The following TRPM7 variants were observed in gnomAD, a reference collection of about 807,000 sequenced individuals.
TRPM7 encodes LTRPC ion channel family member 7.
In TRPM7, 134 loss-of-function variants were observed where a neutral mutation model predicts 229.7. The observed-to-expected ratio is 0.58, with a 90% CI of 0.51 to 0.67. The LOEUF is 0.67. Ranked by LOEUF, TRPM7 falls within the 30% of genes least tolerant of loss-of-function variation. TRPM7 has a pLI of 0.00. For synonymous variants in TRPM7, 699 were observed against 715.2 expected, an observed-to-expected ratio of 0.98 and a Z score of 0.36; for missense variants, 1,901 against 2,210.0, an observed-to-expected ratio of 0.86 and a Z score of 2.80.
At chr15:50,666,602 G>A (rs568239246) in intron 1 of TRPM7, among the ~76,000 whole-genome samples, 121 of 152,192 alleles carry the variant, frequency 8.0e-4, no homozygotes, top group Non-Finnish European at 1.4e-3. Context: ...TTGGGAGTTC[G>A]AGACCAGCCT....
At chr15:50,570,259 A>C in intron 36 of TRPM7, 104 bp from the exon 37 acceptor site, 1 of 798,262 alleles carries the variant, frequency 1.3e-6, no homozygotes, top group East Asian at 2.7e-5. Flanking sequence ...TTATAGTATC[A>C]TCAATCATTA....
chr15:50,669,228 G>C (rs146928206), intron 1 of TRPM7, among the ~76,000 whole-genome samples: 103 of 152,226 alleles, frequency 6.8e-4, no homozygotes, highest in Non-Finnish European at 1.0e-3. Context: ...GATCACCTGA[G>C]GTCTGGAGTT....
At chr15:50,629,855 T>G (rs190695433) in intron 10 of TRPM7, among the ~76,000 whole-genome samples, 1 of 139,392 alleles carries the variant, frequency 7.2e-6, no homozygotes, top group Non-Finnish European at 1.5e-5. Context: ...ACTCTCTTTT[T>G]AACCTTTTTT....
intron 30 of TRPM7, among the ~76,000 whole-genome samples, chr15:50,580,223 T>A (rs145597495): frequency 5.3e-4 from 81 of 152,230 alleles, no homozygotes; most frequent in African/African-American, 1.8e-3. Flanking sequence ...CTTTTTTTTT[T>A]ATTTTTTTGC....
chr15:50,655,986 T>A (rs1430044270), intron 3 of TRPM7, among the ~76,000 whole-genome samples: 2 of 141,818 alleles, frequency 1.4e-5, no homozygotes, highest in African/African-American at 5.2e-5. Flanking sequence ...AGGGCAAGAC[T>A]CCATCTCAAA....
At chr15:50,662,246 G>A (rs906400408) in intron 2 of TRPM7, among the ~76,000 whole-genome samples, 9 of 151,690 alleles carry the variant, frequency 5.9e-5, no homozygotes, top group African/African-American at 1.7e-4. Flanking sequence ...CCAGCTACTC[G>A]GGAGGCTGAG....
intron 15 of TRPM7, 45 bp from the exon 16 acceptor site, chr15:50,612,874 T>C (rs1312637622): frequency 2.0e-6 from 3 of 1,516,852 alleles, no homozygotes; most frequent in Non-Finnish European, 2.7e-6. Context: ...AATAAGGCCA[T>C]ATGAAATTTA....
At chr15:50,570,467 G>C (rs1254482436) in intron 36 of TRPM7, among the ~76,000 whole-genome samples, 5 of 152,242 alleles carry the variant, frequency 3.3e-5, no homozygotes, top group Non-Finnish European at 7.4e-5. Context: ...CTTGTAAAAG[G>C]TCTGGTCAAT....
chr15:50,658,098 G>A (rs1009263908), intron 2 of TRPM7, among the ~76,000 whole-genome samples: 6 of 149,264 alleles, frequency 4.0e-5, no homozygotes, highest in African/African-American at 1.2e-4. Context: ...TCCGCCTCCC[G>A]GGTTCACACC....
In TRPM7 at chr15:50,592,310, T is replaced by A; in HGVS notation, c.3925A>T (p.Ser1309Cys). The A allele has an allele frequency of 6.2e-7, 1 of 1,613,872 alleles. No homozygotes were observed. Among genetic ancestry groups the A allele is most frequent in the Non-Finnish European group, 8.5e-7 (1 of 1,179,900 alleles). ...ATATTACAATGAAAAGGATTATTAC[T>A]TTCAAGATCACCTTGAGGAAGAGAG... ...SSSLPQGDLESNNPFHCNILM... is the reference protein window; with the variant it reads ...SSSLPQGDLECNNPFHCNILM... Residue 1309 changes from serine (S) to cysteine (C), a missense_variant, in exon 26 of 39, where the codon AGT (serine) becomes TGT (cysteine). By Grantham distance (112) the Ser-to-Cys change is moderately radical. Around this residue, in one of 8 missense-constraint regions of TRPM7, gnomAD observed 533 missense variants for 497.1 expected, o/e 1.07. Coordinates refer to ENST00000646667, the MANE Select transcript of TRPM7 (RefSeq NM_017672.6).
At position 50,619,608 on chromosome 15, in the gene TRPM7, A is replaced by G. The variant is rs145453065; in HGVS notation, c.1494+137T>C. 9.6e-4 allele frequency: 672 copies of G among 701,496 alleles called. 4 individuals carry two copies. In the African/African-American group the frequency reaches 0.011, roughly 11 times the overall value. 43.5% of individuals were successfully genotyped at this position (701,496 alleles called of 1,614,324 possible). On this transcript the variant is annotated intron_variant, in intron 13 of 38. Transcript: ENST00000646667. ...TCCTCTCTTACCACAAATTCAGCCC[A>G]TATTTTATCTTGTTCTGTAAACTGT...
At chr15:50,654,850 A>G (rs1413722369) in intron 3 of TRPM7, among the ~76,000 whole-genome samples, 3 of 149,388 alleles carry the variant, frequency 2.0e-5, no homozygotes, top group Non-Finnish European at 4.5e-5. Flanking sequence ...AACCACAAAA[A>G]ACTACCCGGG....
chr15:50,576,042 GAAA>G, intron 31 of TRPM7, 123 bp from the exon 32 acceptor site: 1 of 923,038 alleles, frequency 1.1e-6, no homozygotes, highest in African/African-American at 1.7e-5. Context: ...CACAAAAACA[GAAA>G]AATTAGGGAT....
intron 23 of TRPM7, among the ~76,000 whole-genome samples, chr15:50,594,979 G>A (rs995325481): frequency 6.6e-6 from 1 of 152,146 alleles, no homozygotes. Flanking sequence ...AGAGGCAGGA[G>A]GAGTGCTTGA....
chr15:50,597,591 T>A (rs1471053410), intron 22 of TRPM7, among the ~76,000 whole-genome samples: 1 of 152,102 alleles, frequency 6.6e-6, no homozygotes, highest in Non-Finnish European at 1.5e-5. Flanking sequence ...TTATAACAAC[T>A]ACACAATTAG....
Position 50,605,063 on chromosome 15 carries a change from C to T in TRPM7, c.2791G>A (p.Ala931Thr), listed in dbSNP as rs2059885330. ...SDYFNISDTI[A>T]IISFFIGFGL... ...AATCCAATGAAGAAAGAAATTATGG[C>T]AATTGTATCACTGATGTTGAAGTAA... The change falls in exon 21 of 39, where the codon GCC (alanine) becomes ACC (threonine). Residue 931 changes from alanine to threonine, a missense_variant. By Grantham distance (58) the Ala-to-Thr change is moderately conservative (BLOSUM62 0). This residue lies in a region of TRPM7 where 207 missense variants were observed against 241.5 expected (regional missense o/e 0.86). Coordinates refer to ENST00000646667, the MANE Select transcript of TRPM7 (RefSeq NM_017672.6). 6.2e-7 allele frequency: 1 copy of T among 1,613,750 alleles called. No homozygotes were observed. Among genetic ancestry groups the T allele is most frequent in the East Asian group, 2.2e-5 (1 of 44,790 alleles).
At chr15:50,562,710 T>C (rs1024090841) in intron 38 of TRPM7, among the ~76,000 whole-genome samples, 2 of 151,220 alleles carry the variant, frequency 1.3e-5, no homozygotes, top group African/African-American at 2.4e-5. Flanking sequence ...TAGGCAGAGA[T>C]TGCAATGACC....
chr15:50,604,412 A>C (rs2059865997), intron 21 of TRPM7: 1 of 152,422 alleles, frequency 6.6e-6, no homozygotes, highest in Non-Finnish European at 1.5e-5. Flanking sequence ...GTCTCTACTA[A>C]AAATACAAAA....
At chr15:50,575,220 G>C (rs2054075987) in intron 33 of TRPM7, 85 bp from the exon 34 acceptor site, 1 of 1,206,744 alleles carries the variant, frequency 8.3e-7, no homozygotes, top group South Asian at 1.6e-5. Flanking sequence ...AGGCATCTTT[G>C]ATTAAGGAAC....
Sources: gnomAD v4.1 joint callset for allele counts (sites outside exome capture counted in the v4.1 genomes callset) on GRCh38, gnomAD v4.1.1 for gene constraint, gnomAD v4.1.1 regional missense constraint, MANE v1.5 for transcripts, NCBI Gene and HGNC (gene_info 2026-07-23, HGNC 2026-07-21) for gene names.